Variants in RBFOX1 observed in about 807,000 individuals in gnomAD.
The protein encoded by RBFOX1 is RNA binding fox-1 homolog 1, also known as RNA binding protein fox-1 homolog 1.
RBFOX1 carries 8 observed loss-of-function variants against 57.7 expected under a neutral mutation model. That is an observed-to-expected ratio of 0.14 (90% CI 0.08 to 0.25). RBFOX1 has a LOEUF of 0.25. RBFOX1 is among the 10% of genes least tolerant of loss of function. The pLI, the probability that RBFOX1 is intolerant of heterozygous loss-of-function variation, is 1.00. For synonymous variants in RBFOX1, 326 were observed against 222.4 expected, an observed-to-expected ratio of 1.47 and a Z score of -4.15; for missense variants, 611 against 548.5, an observed-to-expected ratio of 1.11 and a Z score of -1.14.
intron 4 of RBFOX1, among the ~76,000 whole-genome samples, chr16:7,416,956 G>C (rs2098483905): frequency 6.6e-6 from 1 of 152,124 alleles, no homozygotes; most frequent in Non-Finnish European, 1.5e-5. Context: ...ATGTGTCCAA[G>C]AACTCATAGC....
intron 4 of RBFOX1, among the ~76,000 whole-genome samples, chr16:7,346,134 G>C (rs954056006): frequency 6.6e-6 from 1 of 152,086 alleles, no homozygotes; most frequent in Non-Finnish European, 1.5e-5. Flanking sequence ...AGCTTCATCC[G>C]TGTCCCTACA....
intron 4 of RBFOX1, among the ~76,000 whole-genome samples, chr16:7,165,624 T>A (rs558306440): frequency 8.6e-5 from 13 of 151,792 alleles, no homozygotes; most frequent in African/African-American, 2.9e-4. Context: ...AGATGAAGTT[T>A]CTCCACGTTG....
chr16:7,213,355 AC>A (rs1489622290), intron 4 of RBFOX1, among the ~76,000 whole-genome samples: 2 of 152,190 alleles, frequency 1.3e-5, no homozygotes, highest in African/African-American at 2.4e-5. Context: ...TTTTAGGAAT[AC>A]GGGACTCAGT....
chr16:5,953,373 C>T (rs1263443431), intron 4 of RBFOX1, among the ~76,000 whole-genome samples: 2 of 151,950 alleles, frequency 1.3e-5, no homozygotes, highest in African/African-American at 2.4e-5. Context: ...TATTTGGGGA[C>T]AGGTGGTGTT....
At chr16:7,100,695 A>G (rs965267123) in intron 4 of RBFOX1, among the ~76,000 whole-genome samples, 5 of 151,984 alleles carry the variant, frequency 3.3e-5, no homozygotes, top group African/African-American at 1.2e-4. Context: ...TAACAACTTT[A>G]AAAATGTACA....
At chr16:6,121,583 G>A (rs1479898241) in intron 1 of RBFOX1, among the ~76,000 whole-genome samples, 3 of 152,178 alleles carry the variant, frequency 2.0e-5, no homozygotes, top group Non-Finnish European at 4.4e-5. Flanking sequence ...CACTGTGCCT[G>A]CCTTGTCTAA....
At chr16:7,037,300 G>A (rs1020530322) in intron 3 of RBFOX1, among the ~76,000 whole-genome samples, 3 of 133,606 alleles carry the variant, frequency 2.2e-5, no homozygotes, top group African/African-American at 8.8e-5. Context: ...AGTGTGCACC[G>A]GCACAATCTT....
At chr16:7,317,472 CCACTATCACCAT>C (rs2096465561) in intron 4 of RBFOX1, among the ~76,000 whole-genome samples, 1 of 152,174 alleles carries the variant, frequency 6.6e-6, no homozygotes, top group Non-Finnish European at 1.5e-5. Flanking sequence ...ATTATCACCA[CCACTATCACCAT>C]CGCCATTAGG....
intron 2 of RBFOX1, among the ~76,000 whole-genome samples, chr16:6,486,833 G>A (rs2095494086): frequency 6.6e-6 from 1 of 151,904 alleles, no homozygotes; most frequent in African/African-American, 2.4e-5. Context: ...TAGTCAACAG[G>A]AGCAAATGAG....
intron 1 of RBFOX1, among the ~76,000 whole-genome samples, chr16:5,309,999 T>C (rs1300403550): frequency 1.3e-5 from 2 of 152,220 alleles, no homozygotes; most frequent in Non-Finnish European, 2.9e-5. Context: ...ACAGGGAGCC[T>C]GAAAACCTTT....
chr16:6,617,966 G>T (rs965463388), intron 2 of RBFOX1, among the ~76,000 whole-genome samples: 1 of 152,130 alleles, frequency 6.6e-6, no homozygotes, highest in African/African-American at 2.4e-5. Context: ...CTGGTGTCTT[G>T]CAAGTGCTTT....
At chr16:6,941,534 G>C (rs1358511474) in intron 3 of RBFOX1, among the ~76,000 whole-genome samples, 3 of 151,954 alleles carry the variant, frequency 2.0e-5, no homozygotes, top group African/African-American at 7.3e-5. Flanking sequence ...TGGGTTTCCT[G>C]AAGGTTCTCA....
chr16:7,000,836 T>TCA (rs2092725757), intron 3 of RBFOX1, among the ~76,000 whole-genome samples: 1 of 152,060 alleles, frequency 6.6e-6, no homozygotes, highest in African/African-American at 2.4e-5. Context: ...TCTCCTGACC[T>TCA]TGTGATCCGC....
intron 4 of RBFOX1, among the ~76,000 whole-genome samples, chr16:7,253,439 A>G (rs1237919749): frequency 6.6e-6 from 1 of 152,122 alleles, no homozygotes; most frequent in African/African-American, 2.4e-5. Context: ...TCCTTAGGGT[A>G]AAGTCTGAGT....
chr16:6,446,486 A>T lies in RBFOX1; in HGVS notation c.-64+129429A>T, dbSNP rs143726785. Among the ~76,000 whole-genome samples the T allele has an allele frequency of 3.9e-5, 6 of 152,330 alleles. 1 individual carries two copies. The highest frequency in any genetic ancestry group is 1.4e-4 in the African/African-American group (6 of 41,578). On this transcript the variant is annotated intron_variant, in intron 2 of 15. Transcript: ENST00000550418. ...ACATTCAAGTAACATAGAAGGGACC[A>T]GGAGTTTGGAGTATGTTATTTATTT...
At chr16:5,842,761 G>C (rs1358591070) in intron 3 of RBFOX1, among the ~76,000 whole-genome samples, 1 of 152,014 alleles carries the variant, frequency 6.6e-6, no homozygotes, top group Non-Finnish European at 1.5e-5. Flanking sequence ...TCCATTGACT[G>C]AACAGCTACT....
chr16:6,924,320 C>T (rs1567903455), intron 3 of RBFOX1, among the ~76,000 whole-genome samples: 1 of 151,930 alleles, frequency 6.6e-6, no homozygotes, highest in Admixed American at 6.6e-5. Context: ...CAGGGAGGTT[C>T]CACTCATCAT....
At chr16:6,870,311 C>G (rs1274344842) in intron 3 of RBFOX1, among the ~76,000 whole-genome samples, 1 of 152,074 alleles carries the variant, frequency 6.6e-6, no homozygotes, top group Admixed American at 6.5e-5. Flanking sequence ...GTCAGCACTA[C>G]TGAAATTCAG....
At chr16:5,332,913 G>C (rs2341522) in intron 1 of RBFOX1, among the ~76,000 whole-genome samples, 141,318 of 152,256 alleles carry the variant, frequency 0.93, 66,495 homozygotes, top group East Asian at 1. Flanking sequence ...AGGCCAGGTG[G>C]AGTGGCTCAC....
Sources: allele counts gnomAD v4.1 joint callset (sites outside exome capture counted in the v4.1 genomes callset), GRCh38; gene constraint gnomAD v4.1.1; transcripts MANE v1.5; gene names NCBI Gene and HGNC (gene_info 2026-07-23, HGNC 2026-07-21).